The following MX1 variants were observed in gnomAD, a reference collection of about 807,000 sequenced individuals.
MX1 encodes MX dynamin like GTPase 1, also known as interferon-induced GTP-binding protein Mx1.
MX1 carries 66 observed loss-of-function variants against 66.4 expected under a neutral mutation model. That is an observed-to-expected ratio of 0.99 (90% confidence interval 0.82 to 1.22). The LOEUF is 1.22. MX1 is among the 50% of genes most tolerant of loss of function. The probability of loss-of-function intolerance (pLI) is 0.00; values close to 1 mark genes in which losing one functional copy is unlikely to be tolerated. For missense variants in MX1, 787 were observed against 834.3 expected (o/e 0.94, Z 0.70); for synonymous variants, 311 against 318.1 (o/e 0.98, Z 0.24).
intron 5 of MX1, among the ~76,000 whole-genome samples, chr21:41,434,392 T>C (rs777263994): frequency 6.6e-6 from 1 of 152,262 alleles, no homozygotes; most frequent in African/African-American, 2.4e-5. Flanking sequence ...GACTTTGTTC[T>C]TCTTTTTCAA....
chr21:41,428,404 G>A, intron 3 of MX1: 1 of 152,218 alleles, frequency 6.6e-6, no homozygotes, highest in East Asian at 1.9e-4. Context: ...AGGACCCACA[G>A]TGGAGGCTCT....
chr21:41,438,769 G>A (rs369663332), intron 7 of MX1, among the ~76,000 whole-genome samples: 13 of 152,358 alleles, frequency 8.5e-5, no homozygotes, highest in Admixed American at 3.3e-4. Flanking sequence ...ACAATGTAGA[G>A]GCTTTCTGTC....
intron 6 of MX1, 37 bp from the exon 7 acceptor site, chr21:41,436,978 A>C (rs531283923): frequency 6.2e-7 from 1 of 1,610,502 alleles, no homozygotes. Flanking sequence ...GTCTTTTAAG[A>C]GCAAAGTGGA....
chr21:41,458,578 C>T lies in MX1; in HGVS notation c.1809C>T (p.Phe603=), dbSNP rs111867117. ...ACATCCCTTTGATCATCCAGTTCTT[C>T]ATGCTCCAGACGTACGGCCAGCAGC... ...SSHIPLIIQF[F]MLQTYGQQLQ... The change falls in exon 17 of 17, where the codon TTC becomes TTT. Residue 603 remains phenylalanine, a synonymous_variant. Transcript: ENST00000398598. 2.1e-5 allele frequency: 34 copies of T among 1,611,806 alleles called. 1 individual carries two copies. In the African/African-American group the frequency reaches 2.4e-4, roughly 11 times the overall value.
In MX1 at chr21:41,442,322, A is replaced by G. The variant is rs560222481; in HGVS notation, c.929+408A>G. 5.9e-5 allele frequency among the ~76,000 whole-genome samples: 9 copies of G among 152,358 alleles called. No homozygotes were observed. The South Asian group carries it at 1.5e-3, about 25-fold the overall frequency. On this transcript the variant is annotated intron_variant, in intron 10 of 16. Coordinates refer to ENST00000398598, the MANE Select transcript of MX1 (RefSeq NM_002462.5). The stretch of plus-strand genomic sequence containing the variant: ...AGCATTTCAAATCAAATAGTGGACT[A>G]TATCAGCTTGAGTATCTATTAGTGG...
chr21:41,444,318 C>CTTTTTT (rs11317486), intron 11 of MX1, among the ~76,000 whole-genome samples: 20 of 71,536 alleles, frequency 2.8e-4, no homozygotes, highest in African/African-American at 4.9e-4. Flanking sequence ...TCTTTTCTTT[C>CTTTTTT]TTTTTTTTTT....
upstream of MX1, chr21:41,426,184 C>A: frequency 6.3e-6 from 1 of 159,460 alleles, no homozygotes; most frequent in Non-Finnish European, 1.4e-5. Flanking sequence ...CATTTCTTCG[C>A]GGCGCGGGGC....
At chr21:41,439,922 G>A (rs368259577) in intron 8 of MX1, 74 bp downstream of exon 8, 46 of 1,498,458 alleles carry the variant, frequency 3.1e-5, no homozygotes, top group Admixed American at 1.6e-4. Flanking sequence ...AGGAGAAAGA[G>A]GGTACTGTAT....
In MX1 at chr21:41,443,848, G is replaced by C. The variant is rs1460266794; in HGVS notation, c.990G>C (p.Glu330Asp). The C allele has an allele frequency of 6.2e-7, 1 of 1,614,098 alleles. No individual in the cohort carries two copies. ...VPCLAEKLTS[E>D]LITHICKSLP... is the part of the protein sequence containing the mutation. ...GCCTGGCAGAAAAACTTACCAGCGA[G>C]CTCATCACACATATCTGTGTAAGCA... Residue 330 changes from glutamate to aspartate, a missense_variant, in exon 11 of 17, where the codon GAG becomes GAC. Transcript: ENST00000398598.
At chr21:41,421,236 C>T (rs112473643), upstream of MX1, 12,570 of 152,350 alleles carry the variant, frequency 0.083, 814 homozygotes, top group African/African-American at 0.17. Context: ...TTGCTGCCTG[C>T]ATGTCCCACC....
In MX1 at chr21:41,441,965, G is replaced by A; in HGVS notation, c.929+51G>A. On this transcript the variant is annotated intron_variant, in intron 10 of 16. Transcript: ENST00000398598. The surrounding 1 kb of genome is among the most constrained non-coding windows in gnomAD (Gnocchi z 4.0). ...GATCAGTCCAAGCCCAGGATGTCAGGCCTTCCAGGGGACAGTGGCAGCCGT... is the reference window on the plus strand; with the variant it reads ...GATCAGTCCAAGCCCAGGATGTCAGACCTTCCAGGGGACAGTGGCAGCCGT... The A allele has an allele frequency of 1.3e-6, 2 of 1,597,744 alleles. No homozygotes were observed. The highest frequency in any genetic ancestry group is 1.7e-6 in the Non-Finnish European group (2 of 1,165,762).
At chr21:41,436,244 C>A (rs143944322) in intron 6 of MX1, among the ~76,000 whole-genome samples, 4 of 152,356 alleles carry the variant, frequency 2.6e-5, no homozygotes, top group South Asian at 4.1e-4. Flanking sequence ...ACACAAGCAT[C>A]TCTGCTGTCT....
chr21:41,434,679 G>A (rs940154598), intron 5 of MX1, among the ~76,000 whole-genome samples: 4 of 152,096 alleles, frequency 2.6e-5, no homozygotes, highest in Non-Finnish European at 5.9e-5. Context: ...TGTATAGTGC[G>A]AGAACCTTAG....
Position 41,455,556 on chromosome 21 carries a change from A to T in MX1, c.1758+2687A>T, listed in dbSNP as rs535296125. ...ACAGAAGCAGCCCTTCTCCGGGTTCATTTCTGTCCTCCGAGGCTGACTCAT... is the reference window on the plus strand; with the variant it reads ...ACAGAAGCAGCCCTTCTCCGGGTTCTTTTCTGTCCTCCGAGGCTGACTCAT... On this transcript the variant is annotated intron_variant, in intron 16 of 16. Coordinates refer to ENST00000398598, the MANE Select transcript of MX1 (RefSeq NM_002462.5). Among the ~76,000 whole-genome samples, 5 of 152,240 alleles carry T rather than the reference A, an allele frequency of 3.3e-5. No individual in the cohort carries two copies. The South Asian group carries it at 1.0e-3, about 31-fold the overall frequency.
intron 16 of MX1, among the ~76,000 whole-genome samples, chr21:41,454,379 CT>C (rs2090910013): frequency 6.6e-6 from 1 of 151,958 alleles, no homozygotes; most frequent in African/African-American, 2.4e-5. Context: ...ACTCCAGAGT[CT>C]TTTTGGCCAA....
chr21:41,429,732 C>T (rs2090159540), intron 3 of MX1: 1 of 151,792 alleles, frequency 6.6e-6, no homozygotes, highest in African/African-American at 2.4e-5. Context: ...CTGTGAGACC[C>T]CATCTCTACT....
At chr21:41,444,985 G>A (rs1032372466) in intron 11 of MX1, among the ~76,000 whole-genome samples, 11 of 152,274 alleles carry the variant, frequency 7.2e-5, no homozygotes, top group African/African-American at 2.4e-4. Flanking sequence ...AGCATATGGC[G>A]TCAACCGTAT....
chr21:41,431,781 A>C, intron 4 of MX1: 1 of 346,226 alleles, frequency 2.9e-6, no homozygotes, highest in Non-Finnish European at 5.5e-6. Context: ...GCCTGGAGGG[A>C]TATTCTTGAA....
Position 41,441,109 on chromosome 21 carries a change from C to G in MX1, c.730+84C>G, listed in dbSNP as rs2090498805. On this transcript the variant is annotated intron_variant, in intron 9 of 16. Transcript: ENST00000398598. This position sits in a 1 kb window ranked among gnomAD's most constrained non-coding sequence, Gnocchi z 4.0. The stretch of plus-strand genomic sequence containing the variant: ...GTGAGAATGGGGGAGCCCACCTGTG[C>G]TCGGTGAGAATGGGGGAGCCCGCCT... The G allele has an allele frequency of 7.9e-7, 1 of 1,272,774 alleles. No homozygotes were observed. Among genetic ancestry groups the G allele is most frequent in the Admixed American group, 2.3e-5 (1 of 42,858 alleles). 78.8% of individuals were successfully genotyped at this position (1,272,774 alleles called of 1,614,324 possible).
Sources: gnomAD v4.1 joint callset for allele counts (sites outside exome capture counted in the v4.1 genomes callset) on GRCh38, gnomAD v4.1.1 for gene constraint, Gnocchi (gnomAD v3.1) non-coding constraint, MANE v1.5 for transcripts, NCBI Gene and HGNC (gene_info 2026-07-23, HGNC 2026-07-21) for gene names.